The following CNBD1 variants were observed in gnomAD, a reference collection of about 807,000 sequenced individuals.
CNBD1 encodes cyclic nucleotide binding domain containing 1.
CNBD1 carries 71 observed loss-of-function variants against 54.4 expected under a neutral mutation model. That is an observed-to-expected ratio of 1.30 (90% CI 1.08 to 1.59). The LOEUF is 1.59. Ranked by LOEUF, CNBD1 falls within the 40% of genes most tolerant of loss-of-function variation. The pLI, the probability that CNBD1 is intolerant of heterozygous loss-of-function variation, is 0.00. For synonymous variants in CNBD1, 182 were observed against 170.7 expected, an observed-to-expected ratio of 1.07 and a Z score of -0.51; for missense variants, 659 against 518.0, an observed-to-expected ratio of 1.27 and a Z score of -2.64.
At chr8:87,214,207 T>A (rs2130803649) in intron 5 of CNBD1, among the ~76,000 whole-genome samples, 1 of 152,308 alleles carries the variant, frequency 6.6e-6, no homozygotes, top group East Asian at 1.9e-4. Flanking sequence ...TTATGCTCTG[T>A]TTTCCTTTTA....
At chr8:86,923,456 T>C (rs912731437) in intron 3 of CNBD1, among the ~76,000 whole-genome samples, 1 of 152,124 alleles carries the variant, frequency 6.6e-6, no homozygotes, top group African/African-American at 2.4e-5. Context: ...TTTTTCCTTT[T>C]AGTTTAACTT....
At chr8:87,041,623 C>T (rs1048935469) in intron 4 of CNBD1, among the ~76,000 whole-genome samples, 3 of 152,020 alleles carry the variant, frequency 2.0e-5, no homozygotes, top group African/African-American at 7.3e-5. Context: ...ACGGTGAAAC[C>T]CCGTCTCTAC....
Position 87,286,581 on chromosome 8 carries a change from C to A in CNBD1, c.952C>A (p.Arg318Ser). 1 of 1,463,102 alleles carries A rather than the reference C, an allele frequency of 6.8e-7. No individual in the cohort carries two copies. The highest frequency in any genetic ancestry group is 2.4e-5 in the East Asian group (1 of 41,334). 90.6% of individuals were successfully genotyped at this position (1,463,102 alleles called of 1,614,324 possible). ...LENMQKLKLI[R>S]MCPYYEEWPT... ...AAATATGCAAAAGTTGAAATTAATCCGTATGTGTCCTTATTATGAGGAATG... is the reference window on the plus strand; with the variant it reads ...AAATATGCAAAAGTTGAAATTAATCAGTATGTGTCCTTATTATGAGGAATG... Residue 318 changes from arginine to serine, a missense_variant, in exon 8 of 11, where the codon CGT (arginine) becomes AGT (serine). Arg to Ser is a moderately radical substitution (Grantham distance 110). Transcript: ENST00000518476.
intron 4 of CNBD1, among the ~76,000 whole-genome samples, chr8:87,044,912 C>T (rs1810149879): frequency 1.3e-5 from 2 of 152,146 alleles, no homozygotes; most frequent in Admixed American, 1.3e-4. Flanking sequence ...GTATTTTTGC[C>T]TGTAGCTGTG....
intron 4 of CNBD1, among the ~76,000 whole-genome samples, chr8:87,069,812 C>T (rs910743121): frequency 2.0e-5 from 3 of 152,120 alleles, no homozygotes; most frequent in African/African-American, 7.2e-5. Flanking sequence ...AATACATTTA[C>T]CTTTTTACAA....
At chr8:87,048,665 A>T (rs959629171) in intron 4 of CNBD1, among the ~76,000 whole-genome samples, 4 of 152,116 alleles carry the variant, frequency 2.6e-5, no homozygotes, top group Non-Finnish European at 5.9e-5. Context: ...TTTCTATTTG[A>T]CATGGAAATG....
At chr8:87,015,164 A>G (rs1809326875) in intron 4 of CNBD1, among the ~76,000 whole-genome samples, 1 of 152,214 alleles carries the variant, frequency 6.6e-6, no homozygotes, top group African/African-American at 2.4e-5. Context: ...AGATTTTATT[A>G]CAAATATTGA....
intron 8 of CNBD1, among the ~76,000 whole-genome samples, chr8:87,297,596 A>G (rs1808903375): frequency 1.3e-5 from 2 of 152,190 alleles, no homozygotes; most frequent in South Asian, 2.1e-4. Flanking sequence ...GCTAGAGCTA[A>G]GAGAGTGAAC....
At chr8:86,903,347 C>G (rs1808967885) in intron 2 of CNBD1, among the ~76,000 whole-genome samples, 1 of 152,096 alleles carries the variant, frequency 6.6e-6, no homozygotes, top group African/African-American at 2.4e-5. Context: ...TTATCCACTC[C>G]AAAGATGATC....
At chr8:87,334,652 G>C (rs1167281496) in intron 8 of CNBD1, among the ~76,000 whole-genome samples, 3 of 150,666 alleles carry the variant, frequency 2.0e-5, no homozygotes, top group Admixed American at 6.6e-5. Flanking sequence ...TCAGGAGCAA[G>C]TTGTTCAATT....
In CNBD1 at chr8:87,131,227, T is replaced by A. The variant is rs1812112386; in HGVS notation, c.432-74766T>A. ...TTTGTCTACCACTTCACTACTTGTTTTATATTTTTACTACTTTTTATTTCT... is the reference window on the plus strand; with the variant it reads ...TTTGTCTACCACTTCACTACTTGTTATATATTTTTACTACTTTTTATTTCT... On this transcript the variant is annotated intron_variant, in intron 4 of 10. Transcript: ENST00000518476. 2.6e-5 allele frequency among the ~76,000 whole-genome samples: 4 copies of A among 152,168 alleles called. No homozygotes were observed. The South Asian group carries it at 8.3e-4, about 31-fold the overall frequency.
At chr8:86,867,315 A>G (rs1017518885) in intron 1 of CNBD1, among the ~76,000 whole-genome samples, 1 of 152,196 alleles carries the variant, frequency 6.6e-6, no homozygotes, top group Non-Finnish European at 1.5e-5. Context: ...CTGGATAACA[A>G]AGGTAATACT....
rs545812466 is a variant in CNBD1 at position 87,353,154 on chromosome 8, C to A, written c.1153-482C>A. 2.6e-4 allele frequency among the ~76,000 whole-genome samples: 40 copies of A among 152,252 alleles called. No homozygotes were observed. The South Asian group carries it at 8.3e-3, about 32-fold the overall frequency. ...ACTCATTTTCCATGTTTCTTTTGTA[C>A]TTAAACAGAAAAGACAGGGAATAAT... is the stretch of plus-strand genomic sequence containing the variant. On this transcript the variant is annotated intron_variant, in intron 9 of 10. Coordinates refer to ENST00000518476, the MANE Select transcript of CNBD1 (RefSeq NM_173538.3).
intron 10 of CNBD1, among the ~76,000 whole-genome samples, chr8:87,375,004 T>C (rs560032145): frequency 5.6e-4 from 85 of 150,460 alleles, no homozygotes; most frequent in African/African-American, 2.0e-3. Context: ...GATTAGAACA[T>C]AAAATAAATA....
intron 5 of CNBD1, among the ~76,000 whole-genome samples, chr8:87,219,151 G>C (rs190857433): frequency 1.3e-5 from 2 of 151,936 alleles, no homozygotes; most frequent in African/African-American, 2.4e-5. Context: ...TTAGACATAC[G>C]TGTGTCATTT....
chr8:87,209,511 G>T (rs2130800052), intron 5 of CNBD1, among the ~76,000 whole-genome samples: 1 of 152,174 alleles, frequency 6.6e-6, no homozygotes, highest in Admixed American at 6.5e-5. Flanking sequence ...ATTGATAAAA[G>T]AAATTGAGAA....
chr8:86,892,389 C>T (rs1808782498), intron 2 of CNBD1, among the ~76,000 whole-genome samples: 1 of 152,060 alleles, frequency 6.6e-6, no homozygotes, highest in Non-Finnish European at 1.5e-5. Flanking sequence ...TTTCCAAAGA[C>T]ACAATATGAT....
At chr8:87,129,089 A>AAAAAAAAAAAAAAAAAAAAAT (rs1812062796) in intron 4 of CNBD1, among the ~76,000 whole-genome samples, 1 of 146,204 alleles carries the variant, frequency 6.8e-6, no homozygotes, top group Admixed American at 6.8e-5. Context: ...AAAAAAAAAA[A>AAAAAAAAAAAAAAAAAAAAAT]AAGAATTTTG....
intron 8 of CNBD1, among the ~76,000 whole-genome samples, chr8:87,297,683 T>G (rs1268128224): frequency 1.3e-5 from 2 of 149,626 alleles, no homozygotes; most frequent in Non-Finnish European, 3.0e-5. Flanking sequence ...CATTTACAGA[T>G]GCATTTGTGA....
Sources: gnomAD v4.1 joint callset for allele counts (sites outside exome capture counted in the v4.1 genomes callset) on GRCh38, gnomAD v4.1.1 for gene constraint, MANE v1.5 for transcripts, NCBI Gene and HGNC (gene_info 2026-07-23, HGNC 2026-07-21) for gene names.